The following ITGAV variants were observed in gnomAD, a reference collection of about 807,000 sequenced individuals.
ITGAV encodes integrin alpha-V.
In ITGAV, 76 loss-of-function variants were observed where a neutral mutation model predicts 143.8. The ratio of observed to expected loss-of-function variants is 0.53; its 90% CI spans 0.44 to 0.64. The LOEUF (loss-of-function observed/expected upper bound fraction) is 0.64. Among genes scored for constraint, ITGAV ranks in the 30% least tolerant of loss-of-function variants. The pLI, the probability that ITGAV is intolerant of heterozygous loss-of-function variation, is 0.00. For missense variants in ITGAV, 1,193 were observed against 1,274.7 expected, an observed-to-expected ratio of 0.94 and a Z score of 0.98; for synonymous variants, 453 against 446.7, an observed-to-expected ratio of 1.01 and a Z score of -0.18.
At chr2:186,638,236 TGTC>T in intron 8 of ITGAV, 38 bp from the exon 9 acceptor site, 1 of 1,590,194 alleles carries the variant, frequency 6.3e-7, no homozygotes, top group East Asian at 2.2e-5. Context: ...CTTCCAGTGT[TGTC>T]CTAAAAAATG....
At chr2:186,656,677 A>T (rs1033656600) in intron 17 of ITGAV, among the ~76,000 whole-genome samples, 1 of 152,170 alleles carries the variant, frequency 6.6e-6, no homozygotes, top group Non-Finnish European at 1.5e-5. Flanking sequence ...CAGTAAAAGA[A>T]ATCACCAGAG....
At chr2:186,657,488 T>C (rs749596239) in intron 17 of ITGAV, among the ~76,000 whole-genome samples, 2 of 152,190 alleles carry the variant, frequency 1.3e-5, no homozygotes, top group African/African-American at 2.4e-5. Context: ...AAATAACTTA[T>C]GGGTCAAAAA....
intron 12 of ITGAV, among the ~76,000 whole-genome samples, chr2:186,645,346 T>C (rs190327671): frequency 6.6e-6 from 1 of 152,014 alleles, no homozygotes; most frequent in East Asian, 1.9e-4. Context: ...TTGTAAAAGC[T>C]CTGGAGCAAA....
At chr2:186,598,436 ATTT>A (rs34986292) in intron 1 of ITGAV, among the ~76,000 whole-genome samples, 4 of 117,414 alleles carry the variant, frequency 3.4e-5, no homozygotes, top group Non-Finnish European at 3.4e-5. Context: ...TACTCATAGC[ATTT>A]TTTTTTTTTT....
intron 12 of ITGAV, among the ~76,000 whole-genome samples, chr2:186,645,797 C>T (rs1404363621): frequency 6.6e-6 from 1 of 151,560 alleles, no homozygotes; most frequent in Non-Finnish European, 1.5e-5. Flanking sequence ...GAAACCCCGT[C>T]TCTACTGAAA....
Position 186,667,722 on chromosome 2 carries a change from G to A in ITGAV, c.2379G>A (p.Lys793=), listed in dbSNP as rs146857052. ...TTCCGATTCCAAACTGGGAGCACAA[G>A]GAGAACCCTGAGACTGAAGAAGATG... ...VFLPIPNWEH[K]ENPETEEDVG... Residue 793 remains lysine (K), a synonymous_variant, in exon 24 of 30, where the codon AAG becomes AAA. Transcript: ENST00000261023. 4.0e-5 allele frequency: 65 copies of A among 1,611,472 alleles called. No individual in the cohort carries two copies. The African/African-American group carries it at 8.1e-4, about 20-fold the overall frequency.
At chr2:186,647,131 A>C (rs1354945725) in intron 13 of ITGAV, among the ~76,000 whole-genome samples, 1 of 152,216 alleles carries the variant, frequency 6.6e-6, no homozygotes, top group African/African-American at 2.4e-5. Context: ...AGAGTATTAC[A>C]GAAGTTATAA....
At chr2:186,665,046 C>G (rs1368998884) in intron 20 of ITGAV, 80 bp from the exon 21 acceptor site, 2 of 933,694 alleles carry the variant, frequency 2.1e-6, no homozygotes, top group Non-Finnish European at 1.6e-6. Context: ...TTGCTTAGGA[C>G]AAGAAACTGA....
Position 186,675,967 on chromosome 2 carries a change from A to G in ITGAV, c.2928+40A>G, listed in dbSNP as rs777075788. On this transcript the variant is annotated intron_variant, in intron 28 of 29. Coordinates refer to ENST00000261023, the MANE Select transcript of ITGAV (RefSeq NM_002210.5). ...TAGGCAAATAGAATAAATTTACTCA[A>G]TTCAAATGCTGTACATGTTTTTATT... is the stretch of plus-strand genomic sequence containing the variant. 3.8e-6 allele frequency: 4 copies of G among 1,055,206 alleles called. No homozygotes were observed. In the Admixed American group the frequency reaches 6.0e-5, roughly 16 times the overall value. 65.4% of individuals were successfully genotyped at this position (1,055,206 alleles called of 1,614,324 possible).
rs546878744 is a variant in ITGAV at position 186,619,260 on chromosome 2, G to T, written c.317-3079G>T. Among the ~76,000 whole-genome samples the T allele has an allele frequency of 2.6e-5, 4 of 152,122 alleles. No individual in the cohort carries two copies. In the South Asian group the frequency reaches 8.3e-4, roughly 32 times the overall value. On this transcript the variant is annotated intron_variant, in intron 2 of 29. Coordinates refer to ENST00000261023, the MANE Select transcript of ITGAV (RefSeq NM_002210.5). ...AAGTCCTGTCATTTATGGCAACACGGATGGAACTGGAGGATATTATGTTAA... is the reference window on the plus strand; with the variant it reads ...AAGTCCTGTCATTTATGGCAACACGTATGGAACTGGAGGATATTATGTTAA...
chr2:186,627,095 T>A (rs889665562), intron 4 of ITGAV, among the ~76,000 whole-genome samples: 3 of 152,152 alleles, frequency 2.0e-5, no homozygotes, highest in African/African-American at 7.2e-5. Flanking sequence ...GTTCACATAG[T>A]TGAAGCAATC....
At chr2:186,652,931 A>ATTTTTTTTTTTTT (rs35139936) in intron 15 of ITGAV, among the ~76,000 whole-genome samples, 1 of 82,422 alleles carries the variant, frequency 1.2e-5, no homozygotes, top group Non-Finnish European at 2.2e-5. Context: ...TTCATTATAG[A>ATTTTTTTTTTTTT]TTTTTTTTTT....
intron 17 of ITGAV, 143 bp from the exon 18 acceptor site, chr2:186,658,895 T>TACATA: frequency 1.8e-6 from 1 of 548,710 alleles, no homozygotes; most frequent in Non-Finnish European, 3.1e-6. Context: ...ATTCTATTTC[T>TACATA]ACATAAGTAT....
chr2:186,644,227 A>C (rs987814180), intron 12 of ITGAV, among the ~76,000 whole-genome samples: 3 of 152,154 alleles, frequency 2.0e-5, no homozygotes, highest in Admixed American at 6.5e-5. Context: ...TACAAGCATG[A>C]GCTACCGTGG....
rs200991910 is a variant in ITGAV, at chr2:186,645,804, G to GA, written c.1160-873dup. On this transcript the variant is annotated intron_variant, in intron 12 of 29. Transcript: ENST00000261023. ...AACACCGTGAAACCCCGTCTCTACT[G>GA]AAAAAAAAACAAAAAAAATTAGCCG... 8.8e-4 allele frequency among the ~76,000 whole-genome samples: 130 copies of GA among 147,322 alleles called. 3 individuals carry two copies. The East Asian group carries it at 0.019, about 21-fold the overall frequency.
At chr2:186,595,816 T>G in intron 1 of ITGAV, among the ~76,000 whole-genome samples, 1 of 152,170 alleles carries the variant, frequency 6.6e-6, no homozygotes, top group East Asian at 1.9e-4. Flanking sequence ...AGATTTACAC[T>G]GCTAATCAGT....
intron 12 of ITGAV, 52 bp from the exon 13 acceptor site, chr2:186,646,634 C>T: frequency 3.7e-6 from 5 of 1,367,628 alleles, no homozygotes; most frequent in South Asian, 1.5e-5. Context: ...CTTTCTTTTC[C>T]TCCTCCTTAC....
At chr2:186,597,657 A>G (rs1283458217) in intron 1 of ITGAV, among the ~76,000 whole-genome samples, 2 of 152,204 alleles carry the variant, frequency 1.3e-5, no homozygotes, top group Non-Finnish European at 2.9e-5. Flanking sequence ...GACCAGTACC[A>G]GTCCATAGCC....
At chr2:186,621,062 T>C (rs772586890) in intron 2 of ITGAV, among the ~76,000 whole-genome samples, 14 of 152,188 alleles carry the variant, frequency 9.2e-5, no homozygotes, top group Admixed American at 6.5e-5. Context: ...TCTTTATGGC[T>C]TTGTTTTATG....
Sources: allele counts gnomAD v4.1 joint callset (sites outside exome capture counted in the v4.1 genomes callset), GRCh38; gene constraint gnomAD v4.1.1; transcripts MANE v1.5; gene names NCBI Gene and HGNC (gene_info 2026-07-23, HGNC 2026-07-21).